Variants in COQ5 observed in about 807,000 individuals in gnomAD.
COQ5 encodes the protein 2-methoxy-6-polyprenyl-1,4-benzoquinol methylase, mitochondrial.
Under a neutral mutation model 40.5 loss-of-function variants are expected in COQ5, and 27 were observed. The ratio of observed to expected loss-of-function variants is 0.67; its 90% CI spans 0.49 to 0.92. COQ5 has a LOEUF of 0.92. Among genes scored for constraint, COQ5 ranks in the 40% least tolerant of loss-of-function variants. The pLI, the probability that COQ5 is intolerant of heterozygous loss-of-function variation, is 0.00. For synonymous variants in COQ5, 141 were observed against 150.0 expected (o/e 0.94, Z 0.44); for missense variants, 409 against 406.4 (o/e 1.01, Z -0.06).
chr12:120,511,950 G>A (rs999304049), intron 3 of COQ5, among the ~76,000 whole-genome samples: 2 of 152,166 alleles, frequency 1.3e-5, no homozygotes, highest in Admixed American at 1.3e-4. Context: ...GGTGGCTCAC[G>A]CCTGTAATCC....
intron 3 of COQ5, among the ~76,000 whole-genome samples, chr12:120,515,730 G>A (rs1318316817): frequency 6.6e-6 from 1 of 152,116 alleles, no homozygotes; most frequent in Non-Finnish European, 1.5e-5. Flanking sequence ...CAGAACAAAG[G>A]CTGGCTGTTA....
In COQ5 at chr12:120,516,788, C is replaced by T. The variant is rs377668174; in HGVS notation, c.353G>A (p.Gly118Asp). 2.4e-5 allele frequency: 39 copies of T among 1,613,390 alleles called. No homozygotes were observed. Among genetic ancestry groups the T allele is most frequent in the Non-Finnish European group, 3.3e-5 (39 of 1,179,432 alleles). The change falls in exon 3 of 7, where the codon GGT becomes GAT. Residue 118 changes from glycine (G) to aspartate (D), a missense_variant and splice_region_variant. By Grantham distance (94) the Gly-to-Asp change is moderately conservative. Transcript: ENST00000288532. ...ATTAAGGAACCGGAATGCAATGTCACCTGTGGGAAGCCAACATGAGGAAAG... is the reference window on the plus strand; with the variant it reads ...ATTAAGGAACCGGAATGCAATGTCATCTGTGGGAAGCCAACATGAGGAAAG... ...TQLLDVAGGT[G>D]DIAFRFLNYV...
At chr12:120,508,822 G>C (rs1225804076) in intron 4 of COQ5, among the ~76,000 whole-genome samples, 2 of 151,794 alleles carry the variant, frequency 1.3e-5, no homozygotes, top group Non-Finnish European at 2.9e-5. Context: ...TCAAGAGACA[G>C]AGACCATCCT....
chr12:120,516,657 A>G lies in COQ5; in HGVS notation c.484T>C (p.Leu162=), dbSNP rs751805855. ...CACACCACGACACGAGACCCGCCCAAGGAATCTTCTTCATTCTGGTACTCT... is the reference window on the plus strand; with the variant it reads ...CACACCACGACACGAGACCCGCCCAGGGAATCTTCTTCATTCTGGTACTCT... ...AKEYQNEEDS[L]GGSRVVVCDI... Residue 162 remains leucine, a synonymous_variant, in exon 3 of 7, where the codon TTG becomes CTG. Transcript: ENST00000288532. The G allele has an allele frequency of 9.9e-6, 16 of 1,614,054 alleles. No homozygotes were observed. The Admixed American group carries it at 1.0e-4, about 10-fold the overall frequency.
chr12:120,506,440 C>T (rs1344871076), intron 4 of COQ5, among the ~76,000 whole-genome samples: 1 of 151,904 alleles, frequency 6.6e-6, no homozygotes, highest in African/African-American at 2.4e-5. Context: ...GATCTCAGCT[C>T]ACTGCAACCT....
intron 2 of COQ5, among the ~76,000 whole-genome samples, chr12:120,518,569 T>C (rs1056690701): frequency 1.3e-5 from 2 of 151,360 alleles, no homozygotes; most frequent in African/African-American, 4.8e-5. Context: ...TTTATATCTT[T>C]TTTTTTTTTT....
intron 2 of COQ5, 79 bp from the exon 3 acceptor site, chr12:120,516,867 A>C: frequency 8.9e-6 from 11 of 1,235,186 alleles, no homozygotes; most frequent in Non-Finnish European, 1.2e-5. Flanking sequence ...CTAAAACCCA[A>C]AGGGGTAACA....
intron 2 of COQ5, among the ~76,000 whole-genome samples, chr12:120,517,870 C>T (rs948465786): frequency 9.9e-5 from 15 of 151,048 alleles, no homozygotes; most frequent in Non-Finnish European, 1.8e-4. Flanking sequence ...TGCAATGGCG[C>T]GATCTGAGCT....
At chr12:120,523,958 T>C (rs1243400423) in intron 1 of COQ5, 1 of 412,420 alleles carries the variant, frequency 2.4e-6, no homozygotes, top group Non-Finnish European at 4.9e-6. Context: ...TGCAGTGAGC[T>C]GAAATTGGAC....
Position 120,528,977 on chromosome 12 carries a change from C to T in COQ5, c.165G>A (p.Gly55=). 6.2e-7 allele frequency: 1 copy of T among 1,614,170 alleles called. No homozygotes were observed. Among genetic ancestry groups the T allele is most frequent in the Non-Finnish European group, 8.5e-7 (1 of 1,180,030 alleles). The change falls in exon 1 of 7, where the codon GGG becomes GGA. Residue 55 remains glycine (G), a synonymous_variant. Coordinates refer to ENST00000288532, the MANE Select transcript of COQ5 (RefSeq NM_032314.4). ...TCTCCTCTTCCGACACAGTCTCAAACCCAAAGTGCGTTTCCGCTGCCCGCT... is the reference window on the plus strand; with the variant it reads ...TCTCCTCTTCCGACACAGTCTCAAATCCAAAGTGCGTTTCCGCTGCCCGCT... The part of the protein sequence containing the change: ...QEKRAAETHF[G]FETVSEEEKG...
chr12:120,528,523 G>A (rs1343439955), intron 1 of COQ5, among the ~76,000 whole-genome samples: 1 of 152,086 alleles, frequency 6.6e-6, no homozygotes, highest in Non-Finnish European at 1.5e-5. Flanking sequence ...TAAAAAGGGG[G>A]CGTCTGGCTG....
At chr12:120,528,439 AAAT>A (rs1411826098) in intron 1 of COQ5, among the ~76,000 whole-genome samples, 3 of 152,192 alleles carry the variant, frequency 2.0e-5, no homozygotes, top group Non-Finnish European at 4.4e-5. Flanking sequence ...TGAGAATTGA[AAAT>A]AATGTCTGTA....
chr12:120,513,006 G>A (rs186063538), intron 3 of COQ5, among the ~76,000 whole-genome samples: 1 of 150,722 alleles, frequency 6.6e-6, no homozygotes, highest in African/African-American at 2.4e-5. Flanking sequence ...CGCCATGTTG[G>A]CCAGGCTATT....
At chr12:120,528,519 G>GCT (rs2137097610) in intron 1 of COQ5, among the ~76,000 whole-genome samples, 1 of 152,256 alleles carries the variant, frequency 6.6e-6, no homozygotes, top group East Asian at 1.9e-4. Context: ...CTTTTAAAAA[G>GCT]GGGGCGTCTG....
intron 2 of COQ5, among the ~76,000 whole-genome samples, 178 bp from the exon 3 acceptor site, chr12:120,516,966 C>T (rs75451926): frequency 2.0e-4 from 30 of 152,364 alleles, no homozygotes; most frequent in African/African-American, 7.0e-4. Context: ...CAGGGACTCA[C>T]TCCATCACCC....
At chr12:120,523,285 C>T (rs562786327) in intron 1 of COQ5, 36 of 211,650 alleles carry the variant, frequency 1.7e-4, no homozygotes, top group African/African-American at 6.5e-4. Context: ...TGCAGTGAGC[C>T]GAGATGGCGC....
chr12:120,504,023 C>T lies in COQ5; in HGVS notation c.829G>A (p.Asp277Asn), dbSNP rs752137440. 6.2e-7 allele frequency: 1 copy of T among 1,613,912 alleles called. No individual in the cohort carries two copies. Among genetic ancestry groups the T allele is most frequent in the South Asian group, 1.1e-5 (1 of 91,086 alleles). ...ACAAGGTACTGATAGGACTTCCAGT[C>T]TCCAGCGATGACCTCTCCCAGGACA... ...IPVLGEVIAG[D>N]WKSYQYLVES... Residue 277 changes from aspartate (D) to asparagine (N), a missense_variant, in exon 6 of 7, where the codon GAC becomes AAC. Transcript: ENST00000288532.
At chr12:120,523,932 C>G (rs568110158) in intron 1 of COQ5, 1 of 422,740 alleles carries the variant, frequency 2.4e-6, no homozygotes, top group South Asian at 1.7e-5. Context: ...ATCACTGGAA[C>G]CTGGAAGGTA....
chr12:120,521,441 G>A (rs1296815272), intron 2 of COQ5, among the ~76,000 whole-genome samples: 1 of 151,990 alleles, frequency 6.6e-6, no homozygotes, highest in Non-Finnish European at 1.5e-5. Context: ...ACCTTGGGAG[G>A]CCGAGGCGGG....
Sources: gnomAD v4.1 joint callset for allele counts (sites outside exome capture counted in the v4.1 genomes callset) on GRCh38, gnomAD v4.1.1 for gene constraint, MANE v1.5 for transcripts, NCBI Gene and HGNC (gene_info 2026-07-23, HGNC 2026-07-21) for gene names.